UTP18: variants seen among roughly 807,000 people sequenced by gnomAD.
The protein encoded by UTP18 is UTP18 small subunit processome component.
Under a neutral mutation model 61.1 loss-of-function variants are expected in UTP18, and 36 were observed. The ratio of observed to expected loss-of-function variants is 0.59; its 90% CI spans 0.45 to 0.78. The LOEUF is 0.78. Among genes scored for constraint, UTP18 ranks in the 30% least tolerant of loss-of-function variants. UTP18 has a pLI of 0.00. For synonymous variants in UTP18, 282 were observed against 251.1 expected (o/e 1.12, Z -1.16); for missense variants, 753 against 693.9 (o/e 1.09, Z -0.96).
intron 11 of UTP18, among the ~76,000 whole-genome samples, chr17:51,293,493 T>C (rs1460446288): frequency 3.5e-5 from 4 of 115,470 alleles, no homozygotes; most frequent in African/African-American, 6.6e-5. Context: ...TCTTAAAACA[T>C]GAGTTGTTGT....
At chr17:51,281,164 A>ATATATATATATTT (rs59857038) in intron 9 of UTP18, among the ~76,000 whole-genome samples, 4 of 140,436 alleles carry the variant, frequency 2.8e-5, no homozygotes, top group African/African-American at 1.1e-4. Flanking sequence ...ATATATATAT[A>ATATATATATATTT]TTTTTTTTAA....
chr17:51,297,017 TTTC>T lies in UTP18; in HGVS notation c.*14+17_*14+19del. On this transcript the variant is annotated intron_variant, in intron 13 of 13. Coordinates refer to ENST00000225298, the MANE Select transcript of UTP18 (RefSeq NM_016001.3). Reference sequence around the variant, plus strand: ...AGACTATTTGAAGTAAGAAAACCCTTTTCTTACAAATTCTGCAGGTTTTAAGAT... The same window carrying T: ...AGACTATTTGAAGTAAGAAAACCCTTTTACAAATTCTGCAGGTTTTAAGAT... 1 of 1,602,348 alleles carries T rather than the reference TTTC, an allele frequency of 6.2e-7. No homozygotes were observed. The highest frequency in any genetic ancestry group is 8.5e-7 in the Non-Finnish European group (1 of 1,175,006).
chr17:51,283,180 T>G (rs1439855735), intron 9 of UTP18, among the ~76,000 whole-genome samples: 1 of 150,994 alleles, frequency 6.6e-6, no homozygotes, highest in Non-Finnish European at 1.5e-5. Context: ...CTTCTTTTTT[T>G]TTTTTTCAGA....
At chr17:51,265,038 A>G (rs1447056437) in intron 2 of UTP18, among the ~76,000 whole-genome samples, 3 of 152,018 alleles carry the variant, frequency 2.0e-5, no homozygotes, top group African/African-American at 4.8e-5. Context: ...CTTTTTAAAT[A>G]ATCTTGGTAT....
At chr17:51,281,164 A>ATATTTT (rs59857038) in intron 9 of UTP18, among the ~76,000 whole-genome samples, 10 of 140,434 alleles carry the variant, frequency 7.1e-5, no homozygotes, top group African/African-American at 2.4e-4. Flanking sequence ...ATATATATAT[A>ATATTTT]TTTTTTTTAA....
intron 5 of UTP18, among the ~76,000 whole-genome samples, chr17:51,274,625 T>C (rs1487245847): frequency 2.0e-5 from 3 of 151,822 alleles, no homozygotes; most frequent in East Asian, 4.0e-4. Context: ...TTTGTTTTTG[T>C]TTTTTTGGTA....
rs1401129304 is a variant in UTP18 at position 51,297,853 on chromosome 17, T to A, written c.*86T>A. 1 of 371,772 alleles carries A rather than the reference T, an allele frequency of 2.7e-6. No homozygotes were observed. 23.0% of individuals were successfully genotyped at this position (371,772 alleles called of 1,614,324 possible). A position where few individuals can be genotyped will look rare whatever the true frequency, so the allele number is the denominator to read the frequency against. On this transcript the variant is annotated 3_prime_UTR_variant, in exon 14 of 14. Coordinates refer to ENST00000225298, the MANE Select transcript of UTP18 (RefSeq NM_016001.3). ...AAACTTTCCTGAATATGTGATAATA[T>A]ATGGAAAATGATTTATAGATCCAGC...
intron 8 of UTP18, 51 bp downstream of exon 8, chr17:51,280,156 G>A (rs1904865074): frequency 6.4e-7 from 1 of 1,550,620 alleles, no homozygotes; most frequent in Admixed American, 1.7e-5. Flanking sequence ...CACTAGTGTA[G>A]GGATAGTCTT....
At chr17:51,293,227 C>T (rs1905276029) in intron 11 of UTP18, among the ~76,000 whole-genome samples, 2 of 152,150 alleles carry the variant, frequency 1.3e-5, no homozygotes, top group Non-Finnish European at 2.9e-5. Flanking sequence ...ATCTCTGAGG[C>T]ATCATGCTGG....
At position 51,294,044 on chromosome 17, in the gene UTP18, A is replaced by G. The variant is rs749218608; in HGVS notation, c.1645A>G (p.Arg549Gly). The G allele has an allele frequency of 1.9e-6, 3 of 1,586,208 alleles. No individual in the cohort carries two copies. The highest frequency in any genetic ancestry group is 2.6e-6 in the Non-Finnish European group (3 of 1,170,526). ...TGAAAAGGGCAAGGCCCTGATGTAT[A>G]GGTAGGTATTATTTATGTTTAAAAG... ...GNEKGKALMY[R>G]LHHYSDF Residue 549 changes from arginine to glycine, a missense_variant and splice_region_variant, in exon 12 of 14, where the codon AGG becomes GGG. Coordinates refer to ENST00000225298, the MANE Select transcript of UTP18 (RefSeq NM_016001.3).
intron 2 of UTP18, among the ~76,000 whole-genome samples, chr17:51,264,241 T>G (rs1304070453): frequency 6.6e-6 from 1 of 151,992 alleles, no homozygotes; most frequent in Non-Finnish European, 1.5e-5. Context: ...TAGACGGAGT[T>G]TTGCTACGTT....
At chr17:51,269,927 C>T (rs1275770804) in intron 4 of UTP18, among the ~76,000 whole-genome samples, 1 of 151,938 alleles carries the variant, frequency 6.6e-6, no homozygotes, top group Non-Finnish European at 1.5e-5. Context: ...GCAATCTCAG[C>T]TCACTACAAC....
intron 11 of UTP18, among the ~76,000 whole-genome samples, chr17:51,292,520 C>G (rs556560822): frequency 2.0e-5 from 3 of 152,342 alleles, no homozygotes; most frequent in African/African-American, 7.2e-5. Context: ...GTGTATGTAT[C>G]AGTGGTTTTT....
At chr17:51,284,694 C>T (rs1022139538) in intron 9 of UTP18, among the ~76,000 whole-genome samples, 3 of 152,124 alleles carry the variant, frequency 2.0e-5, no homozygotes, top group African/African-American at 2.4e-5. Flanking sequence ...GATTTTTTTC[C>T]TGTAAACCTA....
At chr17:51,266,914 A>G (rs532036290) in intron 3 of UTP18, among the ~76,000 whole-genome samples, 100 of 152,200 alleles carry the variant, frequency 6.6e-4, no homozygotes, top group Non-Finnish European at 1.2e-3. Context: ...GCTGAAATGG[A>G]GTGGTGCTGT....
At chr17:51,283,716 C>T (rs778067968) in intron 9 of UTP18, among the ~76,000 whole-genome samples, 3 of 150,538 alleles carry the variant, frequency 2.0e-5, no homozygotes, top group Non-Finnish European at 4.4e-5. Flanking sequence ...TGGGTTCAGG[C>T]GATTCTCATG....
intron 2 of UTP18, among the ~76,000 whole-genome samples, chr17:51,265,510 G>A (rs1047869848): frequency 6.7e-6 from 1 of 149,340 alleles, no homozygotes; most frequent in African/African-American, 2.5e-5. Flanking sequence ...TGATCCGCCT[G>A]TGTCTGCCTC....
At chr17:51,296,076 T>G (rs1905362773) in intron 12 of UTP18, among the ~76,000 whole-genome samples, 1 of 152,228 alleles carries the variant, frequency 6.6e-6, no homozygotes, top group Non-Finnish European at 1.5e-5. Flanking sequence ...CCAAAACTTA[T>G]ATGCGCTGTC....
chr17:51,288,236 T>A, intron 11 of UTP18, 33 bp downstream of exon 11: 1 of 1,525,460 alleles, frequency 6.6e-7, no homozygotes, highest in Non-Finnish European at 8.8e-7. Context: ...ATTATTGTTA[T>A]TTTTTAAATT....
Sources: gnomAD v4.1 joint callset for allele counts (sites outside exome capture counted in the v4.1 genomes callset) on GRCh38, gnomAD v4.1.1 for gene constraint, MANE v1.5 for transcripts, NCBI Gene and HGNC (gene_info 2026-07-23, HGNC 2026-07-21) for gene names.